The following PDE7A variants were observed in gnomAD, a reference collection of about 807,000 sequenced individuals.
PDE7A encodes the protein phosphodiesterase 7A, also known as high affinity 3',5'-cyclic-AMP phosphodiesterase 7A.
Under a neutral mutation model 64.3 loss-of-function variants are expected in PDE7A, and 39 were observed. The ratio of observed to expected loss-of-function variants is 0.61; its 90% CI spans 0.47 to 0.79. The LOEUF (loss-of-function observed/expected upper bound fraction) is 0.79, where lower values mean the gene tolerates loss of function less well. Ranked by LOEUF, PDE7A falls within the 30% of genes least tolerant of loss-of-function variation. PDE7A has a pLI of 0.00. For synonymous variants in PDE7A, 203 were observed against 206.8 expected, an observed-to-expected ratio of 0.98 and a Z score of 0.16; for missense variants, 470 against 582.8, an observed-to-expected ratio of 0.81 and a Z score of 1.99.
intron 1 of PDE7A, among the ~76,000 whole-genome samples, chr8:65,784,740 T>A (rs1235105705): frequency 2.0e-5 from 3 of 151,536 alleles, no homozygotes; most frequent in African/African-American, 7.3e-5. Context: ...AAAAAAAAAA[T>A]TTTAACTGTC....
At chr8:65,731,238 A>G (rs1806873864) in intron 7 of PDE7A, among the ~76,000 whole-genome samples, 1 of 152,188 alleles carries the variant, frequency 6.6e-6, no homozygotes, top group Non-Finnish European at 1.5e-5. Context: ...CAGAGCATGA[A>G]TAAGTGTACA....
chr8:65,835,029 T>C (rs1810919579), intron 1 of PDE7A, among the ~76,000 whole-genome samples: 2 of 151,536 alleles, frequency 1.3e-5, no homozygotes, highest in Non-Finnish European at 2.9e-5. Context: ...TTGAAAAGCA[T>C]GTTTGGCAAC....
chr8:65,815,121 C>T (rs908853173), intron 1 of PDE7A, among the ~76,000 whole-genome samples: 15 of 151,858 alleles, frequency 9.9e-5, no homozygotes, highest in African/African-American at 3.4e-4. Flanking sequence ...GAATAATACA[C>T]ATTTACAATA....
Position 65,719,340 on chromosome 8 carries a change from C to A in PDE7A, c.1399G>T (p.Ala467Ser). The change falls in exon 13 of 13, where the codon GCA becomes TCA. Residue 467 changes from alanine to serine, a missense_variant. By Grantham distance (99) the Ala-to-Ser change is moderately conservative. Coordinates refer to ENST00000401827, the MANE Select transcript of PDE7A (RefSeq NM_001242318.3). Reference protein sequence around the residue: ...EQSSSEDTDAAFELNSQLLPQ... With the variant: ...EQSSSEDTDASFELNSQLLPQ... Reference sequence around the variant, plus strand: ...AATAACTGTGAGTTCAACTCAAATGCAGCATCAGTGTCCTCACTGCTCGAC... The same window carrying A: ...AATAACTGTGAGTTCAACTCAAATGAAGCATCAGTGTCCTCACTGCTCGAC... The A allele has an allele frequency of 6.2e-7, 1 of 1,614,112 alleles. No individual in the cohort carries two copies. Among genetic ancestry groups the A allele is most frequent in the Non-Finnish European group, 8.5e-7 (1 of 1,179,962 alleles).
chr8:65,836,437 T>C (rs1270869616), intron 1 of PDE7A, among the ~76,000 whole-genome samples: 2 of 152,188 alleles, frequency 1.3e-5, no homozygotes, highest in African/African-American at 4.8e-5. Context: ...TCTAATAATA[T>C]ATGATTGGAG....
chr8:65,764,587 G>A (rs895109105), intron 3 of PDE7A, among the ~76,000 whole-genome samples: 1 of 152,060 alleles, frequency 6.6e-6, no homozygotes, highest in African/African-American at 2.4e-5. Context: ...AAAGAAAAGG[G>A]GAAAAGCACT....
chr8:65,774,365 C>T (rs1008467484), intron 3 of PDE7A, among the ~76,000 whole-genome samples: 3 of 151,832 alleles, frequency 2.0e-5, no homozygotes, highest in African/African-American at 7.3e-5. Flanking sequence ...TGAATGGTTC[C>T]CTCTTTATAA....
Position 65,719,350 on chromosome 8 carries a change from G to A in PDE7A, c.1389C>T (p.Asp463=), listed in dbSNP as rs1806280288. The change falls in exon 13 of 13, where the codon GAC becomes GAT. Residue 463 remains aspartate, a synonymous_variant. Coordinates refer to ENST00000401827, the MANE Select transcript of PDE7A (RefSeq NM_001242318.3). ...GLQREQSSSE[D]TDAAFELNSQ... is the part of the protein sequence containing the mutation. ...AGTTCAACTCAAATGCAGCATCAGT[G>A]TCCTCACTGCTCGACTGTTCTCTCT... is the stretch of plus-strand genomic sequence containing the variant. The A allele has an allele frequency of 6.2e-7, 1 of 1,613,978 alleles. No individual in the cohort carries two copies. The highest frequency in any genetic ancestry group is 8.5e-7 in the Non-Finnish European group (1 of 1,179,978).
At chr8:65,722,543 G>A (rs1456157879) in intron 12 of PDE7A, 1 of 152,136 alleles carries the variant, frequency 6.6e-6, no homozygotes, top group Non-Finnish European at 1.5e-5. Context: ...TTCAACACCA[G>A]CTACCAAAAT....
chr8:65,832,583 C>T (rs561779382), intron 1 of PDE7A, among the ~76,000 whole-genome samples: 1 of 152,204 alleles, frequency 6.6e-6, no homozygotes, highest in Non-Finnish European at 1.5e-5. Context: ...CTCCTGGGCT[C>T]AAGAGATCCT....
At chr8:65,745,348 C>T in intron 5 of PDE7A, 59 bp downstream of exon 5, 1 of 956,720 alleles carries the variant, frequency 1.0e-6, no homozygotes, top group Non-Finnish European at 1.7e-6. Context: ...CCAGCGGCTG[C>T]ACCATCAATG....
chr8:65,714,617 A>G lies in PDE7A; in HGVS notation c.*4673T>C, dbSNP rs990027457. The stretch of plus-strand genomic sequence containing the variant: ...TTAATATGCACATTTCTTTGAAAGC[A>G]ATACTGAATTCCTATTAGCTATTGG... On this transcript the variant is annotated 3_prime_UTR_variant, in exon 13 of 13. Transcript: ENST00000401827. 2.0e-5 allele frequency: 3 copies of G among 152,190 alleles called. No homozygotes were observed. The highest frequency in any genetic ancestry group is 7.2e-5 in the African/African-American group (3 of 41,450). The allele number at this position is 152,190 out of a possible 1,614,324, so 9.4% of individuals were successfully genotyped here.
At chr8:65,778,018 C>T (rs1370622711) in intron 3 of PDE7A, among the ~76,000 whole-genome samples, 1 of 152,166 alleles carries the variant, frequency 6.6e-6, no homozygotes, top group Non-Finnish European at 1.5e-5. Flanking sequence ...TCCTCTCCTT[C>T]TAGGACCTTA....
chr8:65,837,074 T>C (rs966120795), intron 1 of PDE7A, among the ~76,000 whole-genome samples: 2 of 152,226 alleles, frequency 1.3e-5, no homozygotes, highest in South Asian at 4.1e-4. Context: ...AGTATAATAA[T>C]TACACCACAT....
chr8:65,820,989 T>C (rs1182059005), intron 1 of PDE7A, among the ~76,000 whole-genome samples: 1 of 152,178 alleles, frequency 6.6e-6, no homozygotes, highest in Non-Finnish European at 1.5e-5. Context: ...ACTTTCATAT[T>C]ATAAAACATG....
intron 1 of PDE7A, among the ~76,000 whole-genome samples, chr8:65,837,859 A>G (rs1810984070): frequency 6.6e-6 from 1 of 152,202 alleles, no homozygotes; most frequent in Non-Finnish European, 1.5e-5. Context: ...AGCAACAAAT[A>G]ATAGCAGGCT....
intron 3 of PDE7A, among the ~76,000 whole-genome samples, chr8:65,754,615 C>CG (rs1808131117): frequency 6.7e-6 from 1 of 150,012 alleles, no homozygotes; most frequent in Non-Finnish European, 1.5e-5. Flanking sequence ...GGATTACAGG[C>CG]TGAGCCACCA....
At chr8:65,814,554 A>C in intron 1 of PDE7A, among the ~76,000 whole-genome samples, 1 of 150,286 alleles carries the variant, frequency 6.7e-6, no homozygotes, top group Non-Finnish European at 1.5e-5. Context: ...ATATGTGTAT[A>C]TATATAATAC....
At chr8:65,839,204 T>A (rs1326286534) in intron 1 of PDE7A, among the ~76,000 whole-genome samples, 2 of 148,238 alleles carry the variant, frequency 1.3e-5, no homozygotes, top group African/African-American at 5.2e-5. Flanking sequence ...TGTAACTATT[T>A]TACTTAATGT....
Sources: allele counts gnomAD v4.1 joint callset (sites outside exome capture counted in the v4.1 genomes callset), GRCh38; gene constraint gnomAD v4.1.1; transcripts MANE v1.5; gene names NCBI Gene and HGNC (gene_info 2026-07-23, HGNC 2026-07-21).